Variants in UBOX5 observed in about 807,000 individuals in gnomAD.
UBOX5 encodes U-box domain containing 5, also known as RING finger protein 37.
UBOX5 carries 28 observed loss-of-function variants against 39.0 expected under a neutral mutation model. The ratio of observed to expected loss-of-function variants is 0.72; its 90% CI spans 0.53 to 0.98. The LOEUF (loss-of-function observed/expected upper bound fraction) is 0.98, where lower values mean the gene tolerates loss of function less well. UBOX5 is among the 50% of genes least tolerant of loss of function. The pLI is 0.00. For synonymous variants in UBOX5, 283 were observed against 275.5 expected, an observed-to-expected ratio of 1.03 and a Z score of -0.27; for missense variants, 585 against 674.4, an observed-to-expected ratio of 0.87 and a Z score of 1.47.
intron 1 of UBOX5, among the ~76,000 whole-genome samples, chr20:3,159,422 T>A (rs1568485824): frequency 6.6e-6 from 1 of 152,174 alleles, no homozygotes; most frequent in Non-Finnish European, 1.5e-5. Context: ...CGCAGGCACA[T>A]CAAAGTGTGA....
At chr20:3,150,669 C>T (rs1319166429) in intron 1 of UBOX5, 1 of 152,200 alleles carries the variant, frequency 6.6e-6, no homozygotes, top group African/African-American at 2.4e-5. Flanking sequence ...GCCTGCCTAA[C>T]TCTGCTGTCA....
At chr20:3,114,600 C>T (rs927218099) in intron 4 of UBOX5, among the ~76,000 whole-genome samples, 1 of 152,132 alleles carries the variant, frequency 6.6e-6, no homozygotes, top group Non-Finnish European at 1.5e-5. Flanking sequence ...AACCTCTCTT[C>T]ACATTTACAT....
intron 1 of UBOX5, among the ~76,000 whole-genome samples, chr20:3,153,068 CTAATAT>C (rs2066648233): frequency 6.6e-6 from 1 of 152,116 alleles, no homozygotes; most frequent in South Asian, 2.1e-4. Flanking sequence ...AAAGTACACA[CTAATAT>C]TGAGTGGAAC....
At chr20:3,115,245 A>G (rs2066284199) in intron 4 of UBOX5, 60 bp downstream of exon 4, 1 of 1,542,324 alleles carries the variant, frequency 6.5e-7, no homozygotes, top group African/African-American at 1.4e-5. Context: ...CCCAGCATCC[A>G]GAGACAGAAA....
chr20:3,158,119 T>C (rs1223490426), intron 1 of UBOX5, among the ~76,000 whole-genome samples: 2 of 152,146 alleles, frequency 1.3e-5, no homozygotes, highest in East Asian at 1.9e-4. Context: ...TTTTGTTTTT[T>C]TGTGTGTTTT....
intron 1 of UBOX5, among the ~76,000 whole-genome samples, chr20:3,141,932 G>A (rs1413514252): frequency 1.3e-5 from 2 of 151,838 alleles, no homozygotes; most frequent in Non-Finnish European, 2.9e-5. Context: ...AGGATCACTT[G>A]AACCTGGGAT....
chr20:3,125,174 C>T (rs1275940315), intron 1 of UBOX5, among the ~76,000 whole-genome samples: 1 of 148,474 alleles, frequency 6.7e-6, no homozygotes, highest in East Asian at 2.1e-4. Context: ...GTGAGGAGCG[C>T]CACTGCCCGG....
chr20:3,117,286 GGCACACACACAC>G (rs2066300625), intron 3 of UBOX5, among the ~76,000 whole-genome samples: 2 of 66,248 alleles, frequency 3.0e-5, no homozygotes, highest in South Asian at 1.6e-3. Flanking sequence ...GACCAAAGAT[GGCACACACACAC>G]ACACACACAC....
At chr20:3,158,465 T>C (rs2066712422) in intron 1 of UBOX5, among the ~76,000 whole-genome samples, 1 of 145,920 alleles carries the variant, frequency 6.9e-6, no homozygotes, top group Non-Finnish European at 1.5e-5. Context: ...TATTTACTTA[T>C]TTATTTATTT....
At chr20:3,156,932 A>G (rs1023648444) in intron 1 of UBOX5, 3 of 152,198 alleles carry the variant, frequency 2.0e-5, no homozygotes, top group Non-Finnish European at 2.9e-5. Context: ...TTCTTGTCTC[A>G]GCAAATAATT....
chr20:3,149,207 C>T lies in UBOX5; in HGVS notation c.-42+10559G>A. ...ACAAAAACTGCCTGGAAATCTTCAGCATATCACAAGAGCCAGGGATCACAA... is the reference window on the plus strand; with the variant it reads ...ACAAAAACTGCCTGGAAATCTTCAGTATATCACAAGAGCCAGGGATCACAA... On this transcript the variant is annotated intron_variant, in intron 1 of 4. Coordinates refer to ENST00000217173, the MANE Select transcript of UBOX5 (RefSeq NM_014948.4). The surrounding 1 kb of genome is among the most constrained non-coding windows in gnomAD (Gnocchi z 4.1). 1 of 879,196 alleles carries T rather than the reference C, an allele frequency of 1.1e-6. No homozygotes were observed. The highest frequency in any genetic ancestry group is 1.7e-6 in the Non-Finnish European group (1 of 580,520). 54.5% of individuals were successfully genotyped at this position (879,196 alleles called of 1,614,324 possible).
rs74422696 is a variant in UBOX5, at chr20:3,151,246, G to A, written c.-42+8520C>T. Among the ~76,000 whole-genome samples, 606 of 152,302 alleles carry A rather than the reference G, an allele frequency of 4.0e-3. 1 individual carries two copies. The highest frequency in any genetic ancestry group is 0.014 in the African/African-American group (573 of 41,574). Reference sequence around the variant, plus strand: ...CCACCAAATTTCAATCTGTGGTTCAGATCAAGGGTGAGCAGACTATGTCCT... The same window carrying A: ...CCACCAAATTTCAATCTGTGGTTCAAATCAAGGGTGAGCAGACTATGTCCT... On this transcript the variant is annotated intron_variant, in intron 1 of 4. Coordinates refer to ENST00000217173, the MANE Select transcript of UBOX5 (RefSeq NM_014948.4).
intron 1 of UBOX5, chr20:3,147,211 A>G (rs765348358): frequency 6.2e-7 from 1 of 1,614,206 alleles, no homozygotes; most frequent in Non-Finnish European, 8.5e-7. Flanking sequence ...TGACTCCCAC[A>G]TGCTCAAGCC....
At position 3,109,648 on chromosome 20, in the gene UBOX5, G is replaced by A. The variant is rs2066237564; in HGVS notation, c.*458C>T. The A allele has an allele frequency of 5.4e-6, 1 of 185,162 alleles. No homozygotes were observed. Among genetic ancestry groups the A allele is most frequent in the Non-Finnish European group, 1.2e-5 (1 of 86,396 alleles). 11.5% of individuals were successfully genotyped at this position (185,162 alleles called of 1,614,324 possible). On this transcript the variant is annotated 3_prime_UTR_variant, in exon 5 of 5. Transcript: ENST00000217173. ...ATCGCTTTATTAAGGCTGCGAGTCGGGGGGCTGAGTCATGCACTCCACAGA... is the reference window on the plus strand; with the variant it reads ...ATCGCTTTATTAAGGCTGCGAGTCGAGGGGCTGAGTCATGCACTCCACAGA...
At chr20:3,123,532 C>T in intron 1 of UBOX5, 126 bp from the exon 2 acceptor site, 1 of 636,818 alleles carries the variant, frequency 1.6e-6, no homozygotes, top group Non-Finnish European at 2.7e-6. Context: ...TCTCACGGTC[C>T]ACACTGACTT....
chr20:3,159,144 A>T (rs1260540048), intron 1 of UBOX5, among the ~76,000 whole-genome samples: 1 of 152,134 alleles, frequency 6.6e-6, no homozygotes, highest in Non-Finnish European at 1.5e-5. Context: ...ATTCTTACCC[A>T]CGGAAAGAAA....
At chr20:3,130,303 C>A (rs1447111713) in intron 1 of UBOX5, among the ~76,000 whole-genome samples, 1 of 149,512 alleles carries the variant, frequency 6.7e-6, no homozygotes, top group Non-Finnish European at 1.5e-5. Context: ...AAATAATTCT[C>A]CTTTTGGGAG....
At chr20:3,115,643 G>A (rs563952086) in intron 3 of UBOX5, among the ~76,000 whole-genome samples, 177 bp from the exon 4 acceptor site, 2 of 152,122 alleles carry the variant, frequency 1.3e-5, no homozygotes, top group East Asian at 1.9e-4. Context: ...AAAGCCCTAG[G>A]AACACCGGCA....
Position 3,115,317 on chromosome 20 carries a change from C to T in UBOX5, c.1405G>A (p.Gly469Ser). ...TRGSNTSWRPGTGSEQPGSIL... is the reference protein window; with the variant it reads ...TRGSNTSWRPSTGSEQPGSIL... Reference sequence around the variant, plus strand: ...GGGCCCATGTTACCCGAGCCGGTGCCAGGCCTCCAGGAAGTGTTGCTCCCT... The same window carrying T: ...GGGCCCATGTTACCCGAGCCGGTGCTAGGCCTCCAGGAAGTGTTGCTCCCT... Residue 469 changes from glycine (G) to serine (S), a missense_variant, in exon 4 of 5, where the codon GGC (glycine) becomes AGC (serine). Gly to Ser is a moderately conservative substitution (Grantham distance 56). Transcript: ENST00000217173. 1 of 1,611,620 alleles carries T rather than the reference C, an allele frequency of 6.2e-7. No individual in the cohort carries two copies. Among genetic ancestry groups the T allele is most frequent in the South Asian group, 1.1e-5 (1 of 90,728 alleles).
Sources: gnomAD v4.1 joint callset for allele counts (sites outside exome capture counted in the v4.1 genomes callset) on GRCh38, gnomAD v4.1.1 for gene constraint, Gnocchi (gnomAD v3.1) non-coding constraint, MANE v1.5 for transcripts, NCBI Gene and HGNC (gene_info 2026-07-23, HGNC 2026-07-21) for gene names.